IGF2BP3: variants seen among roughly 807,000 people sequenced by gnomAD.
IGF2BP3 encodes the protein insulin-like growth factor 2 mRNA-binding protein 3.
Under a neutral mutation model 73.8 loss-of-function variants are expected in IGF2BP3, and 9 were observed. The observed-to-expected ratio is 0.12, with a 90% CI of 0.07 to 0.21. The LOEUF (loss-of-function observed/expected upper bound fraction) is 0.21. Ranked by LOEUF, IGF2BP3 falls within the 10% of genes least tolerant of loss-of-function variation. The pLI is 1.00. For missense variants in IGF2BP3, 542 were observed against 714.0 expected, an observed-to-expected ratio of 0.76 and a Z score of 2.75; for synonymous variants, 258 against 256.7, an observed-to-expected ratio of 1.01 and a Z score of -0.05.
intron 2 of IGF2BP3, among the ~76,000 whole-genome samples, chr7:23,463,125 C>T (rs74993895): frequency 1.5e-3 from 230 of 152,284 alleles, no homozygotes; most frequent in African/African-American, 5.4e-3. Context: ...CTCGTCTTTC[C>T]GCCTCTCCTT....
intron 2 of IGF2BP3, among the ~76,000 whole-genome samples, chr7:23,434,500 A>G (rs1437530038): frequency 6.6e-6 from 1 of 152,226 alleles, no homozygotes; most frequent in African/African-American, 2.4e-5. Flanking sequence ...AAATAAGCAA[A>G]TAATTGTGTT....
At chr7:23,419,600 C>A (rs1787286932) in intron 2 of IGF2BP3, among the ~76,000 whole-genome samples, 1 of 152,144 alleles carries the variant, frequency 6.6e-6, no homozygotes. Flanking sequence ...GCCTATAATC[C>A]CAACACTTTG....
At chr7:23,404,721 C>T (rs1383186664) in intron 3 of IGF2BP3, among the ~76,000 whole-genome samples, 1 of 127,210 alleles carries the variant, frequency 7.9e-6, no homozygotes, top group Non-Finnish European at 1.6e-5. Flanking sequence ...TTGAGTAAGA[C>T]AAAGTAGGCC....
chr7:23,320,467 T>C (rs1784106315), intron 10 of IGF2BP3, among the ~76,000 whole-genome samples: 1 of 152,080 alleles, frequency 6.6e-6, no homozygotes, highest in Non-Finnish European at 1.5e-5. Flanking sequence ...ACCAGTCAAC[T>C]AACAGTTCTA....
chr7:23,319,646 T>G (rs1784081778), intron 10 of IGF2BP3, among the ~76,000 whole-genome samples: 1 of 152,204 alleles, frequency 6.6e-6, no homozygotes, highest in African/African-American at 2.4e-5. Flanking sequence ...CTGGGCTACA[T>G]ATCAAACACA....
intron 10 of IGF2BP3, 137 bp from the exon 11 acceptor site, chr7:23,319,391 T>C (rs967565161): frequency 4.7e-6 from 3 of 639,002 alleles, no homozygotes; most frequent in Non-Finnish European, 5.7e-6. Flanking sequence ...CATAAGAAGT[T>C]GACCAGACCT....
At chr7:23,363,888 G>C (rs1489277448) in intron 3 of IGF2BP3, among the ~76,000 whole-genome samples, 1 of 152,186 alleles carries the variant, frequency 6.6e-6, no homozygotes, top group African/African-American at 2.4e-5. Flanking sequence ...CAAAAATTAA[G>C]AAACCTCTCA....
chr7:23,312,598 T>G, intron 14 of IGF2BP3, 137 bp downstream of exon 14: 1 of 889,946 alleles, frequency 1.1e-6, no homozygotes. Context: ...TAGTAGTCTC[T>G]GAAATCACCC....
intron 3 of IGF2BP3, among the ~76,000 whole-genome samples, chr7:23,366,377 A>T (rs1395334264): frequency 1.3e-5 from 2 of 152,090 alleles, no homozygotes; most frequent in Non-Finnish European, 2.9e-5. Context: ...ACCTCAAGTG[A>T]TCCACCCACC....
intron 2 of IGF2BP3, among the ~76,000 whole-genome samples, chr7:23,436,828 G>C (rs954075202): frequency 6.6e-6 from 1 of 152,142 alleles, no homozygotes; most frequent in African/African-American, 2.4e-5. Context: ...TCAAATATAG[G>C]ATATTGGCTG....
Position 23,342,139 on chromosome 7 carries a change from G to A in IGF2BP3, c.1128C>T (p.Phe376=), listed in dbSNP as rs755208611. ...PGLNLNALGL[F]PPTSGMPPPT... is the part of the protein sequence containing the mutation. ...GAGGTGGCATCCCTGAAGTGGGTGG[G>A]AACAGACCCAAGGCGTTCAGATTTA... Residue 376 remains phenylalanine, a synonymous_variant, in exon 10 of 15, where the codon TTC becomes TTT. Coordinates refer to ENST00000258729, the MANE Select transcript of IGF2BP3 (RefSeq NM_006547.3). 2 of 1,613,374 alleles carry A rather than the reference G, an allele frequency of 1.2e-6. No individual in the cohort carries two copies. Among genetic ancestry groups the A allele is most frequent in the Admixed American group, 3.3e-5 (2 of 59,974 alleles).
intron 3 of IGF2BP3, among the ~76,000 whole-genome samples, chr7:23,384,102 A>T (rs1415937646): frequency 1.3e-5 from 2 of 151,336 alleles, no homozygotes; most frequent in Admixed American, 1.3e-4. Context: ...TCTCAAAAAA[A>T]AAAAAAAAAA....
chr7:23,389,941 A>G (rs1159006153), intron 3 of IGF2BP3, among the ~76,000 whole-genome samples: 2 of 152,038 alleles, frequency 1.3e-5, no homozygotes, highest in Non-Finnish European at 2.9e-5. Flanking sequence ...GAGCCAGTAC[A>G]CTCCAGCCTG....
intron 10 of IGF2BP3, among the ~76,000 whole-genome samples, chr7:23,341,006 C>T (rs1049623605): frequency 2.0e-5 from 3 of 151,944 alleles, no homozygotes; most frequent in Non-Finnish European, 2.9e-5. Context: ...CCTGCCACCA[C>T]TCCGGCTAAT....
Position 23,310,810 on chromosome 7 carries a change from A to G in IGF2BP3, c.*1552T>C, listed in dbSNP as rs978325028. 6.6e-6 allele frequency: 1 copy of G among 152,098 alleles called. No individual in the cohort carries two copies. The highest frequency in any genetic ancestry group is 1.5e-5 in the Non-Finnish European group (1 of 68,004). The allele number at this position is 152,098 out of a possible 1,614,324, so 9.4% of individuals were successfully genotyped here. Reference sequence around the variant, plus strand: ...AGTGATTTTTTTTTTAAAGGGTTATATATATGTCCTTTAGATCAGTGTAAC... The same window carrying G: ...AGTGATTTTTTTTTTAAAGGGTTATGTATATGTCCTTTAGATCAGTGTAAC... On this transcript the variant is annotated 3_prime_UTR_variant, in exon 15 of 15. Coordinates refer to ENST00000258729, the MANE Select transcript of IGF2BP3 (RefSeq NM_006547.3).
chr7:23,435,721 G>T (rs1477474674), intron 2 of IGF2BP3, among the ~76,000 whole-genome samples: 1 of 150,766 alleles, frequency 6.6e-6, no homozygotes, highest in African/African-American at 2.4e-5. Context: ...CTCCCAAAGT[G>T]CTGGGATTAC....
intron 2 of IGF2BP3, among the ~76,000 whole-genome samples, chr7:23,421,517 A>G (rs1787347251): frequency 1.3e-5 from 2 of 149,700 alleles, no homozygotes; most frequent in African/African-American, 4.9e-5. Flanking sequence ...ACATGGAGAA[A>G]CCCCATCTCT....
chr7:23,349,905 G>T (rs184294000), intron 6 of IGF2BP3, among the ~76,000 whole-genome samples: 17 of 152,330 alleles, frequency 1.1e-4, no homozygotes, highest in African/African-American at 3.6e-4. Context: ...GGTGGATCAA[G>T]GGAAGCAAGA....
chr7:23,368,129 T>C lies in IGF2BP3; in HGVS notation c.286-6388A>G, dbSNP rs185799851. Among the ~76,000 whole-genome samples, 6 of 152,286 alleles carry C rather than the reference T, an allele frequency of 3.9e-5. No individual in the cohort carries two copies. In the East Asian group the frequency reaches 9.6e-4, roughly 24 times the overall value. Reference sequence around the variant, plus strand: ...GGTACAAAATTAAGATCACTCATAATAGTCTGAAGTAGAAACAACCCGAAT... The same window carrying C: ...GGTACAAAATTAAGATCACTCATAACAGTCTGAAGTAGAAACAACCCGAAT... On this transcript the variant is annotated intron_variant, in intron 3 of 14. Coordinates refer to ENST00000258729, the MANE Select transcript of IGF2BP3 (RefSeq NM_006547.3).
Sources: allele counts gnomAD v4.1 joint callset (sites outside exome capture counted in the v4.1 genomes callset), GRCh38; gene constraint gnomAD v4.1.1; transcripts MANE v1.5; gene names NCBI Gene and HGNC (gene_info 2026-07-23, HGNC 2026-07-21).